VPS54: variants seen among roughly 807,000 people sequenced by gnomAD.
VPS54 encodes VPS54 subunit of GARP complex.
In VPS54, 45 loss-of-function variants were observed where a neutral mutation model predicts 121.5. The ratio of observed to expected loss-of-function variants is 0.37; its 90% confidence interval spans 0.29 to 0.47. The LOEUF (loss-of-function observed/expected upper bound fraction) is 0.47, where lower values mean the gene tolerates loss of function less well. Ranked by LOEUF, VPS54 falls within the 20% of genes least tolerant of loss-of-function variation. The pLI is 0.99. For missense variants in VPS54, 1,090 were observed against 1,131.4 expected (o/e 0.96, Z 0.52); for synonymous variants, 371 against 385.8 (o/e 0.96, Z 0.45).
intron 12 of VPS54, 58 bp from the exon 13 acceptor site, chr2:63,921,393 A>G (rs1451292697): frequency 9.1e-6 from 14 of 1,544,110 alleles, no homozygotes; most frequent in Admixed American, 1.9e-5. Context: ...TATTCTCCAC[A>G]GGTGACCTAT....
At chr2:63,945,357 A>G (rs1355590903) in intron 9 of VPS54, among the ~76,000 whole-genome samples, 2 of 152,220 alleles carry the variant, frequency 1.3e-5, no homozygotes, top group Non-Finnish European at 2.9e-5. Flanking sequence ...ACACAGACAC[A>G]TAGAGGGGAA....
intron 20 of VPS54, among the ~76,000 whole-genome samples, chr2:63,903,617 T>C (rs1486988293): frequency 1.3e-5 from 2 of 152,052 alleles, no homozygotes; most frequent in East Asian, 3.9e-4. Context: ...TGTATGACAA[T>C]AATAGCACAC....
chr2:63,917,528 T>C (rs564276606), intron 15 of VPS54, among the ~76,000 whole-genome samples: 5 of 152,150 alleles, frequency 3.3e-5, no homozygotes, highest in Non-Finnish European at 5.9e-5. Flanking sequence ...ATTCAGCATA[T>C]TGAGGTGAAA....
intron 4 of VPS54, among the ~76,000 whole-genome samples, chr2:63,970,738 C>G (rs551016835): frequency 3.9e-5 from 6 of 152,270 alleles, no homozygotes; most frequent in South Asian, 2.1e-4. Flanking sequence ...TCTCTGACCA[C>G]TTTTTGTCTC....
At chr2:63,990,565 CTCTGCTCCT>C (rs1254818780) in intron 1 of VPS54, among the ~76,000 whole-genome samples, 1 of 152,104 alleles carries the variant, frequency 6.6e-6, no homozygotes, top group Non-Finnish European at 1.5e-5. Context: ...ACCAGGATAC[CTCTGCTCCT>C]TCTGCTCCCT....
At chr2:63,928,251 G>A (rs1277433027) in intron 12 of VPS54, among the ~76,000 whole-genome samples, 2 of 152,126 alleles carry the variant, frequency 1.3e-5, no homozygotes, top group Admixed American at 1.3e-4. Context: ...AAATGTTAAG[G>A]GCAGCCAGAG....
chr2:63,954,706 T>A (rs917796780), intron 7 of VPS54, among the ~76,000 whole-genome samples: 1 of 152,042 alleles, frequency 6.6e-6, no homozygotes, highest in Non-Finnish European at 1.5e-5. Context: ...GTCTATTAGG[T>A]GCTCTTGTTA....
At chr2:64,017,204 G>A (rs1373582208) in intron 1 of VPS54, among the ~76,000 whole-genome samples, 1 of 151,676 alleles carries the variant, frequency 6.6e-6, no homozygotes, top group African/African-American at 2.4e-5. Flanking sequence ...AGCCAGGCGT[G>A]GGGGCGCCTG....
intron 1 of VPS54, among the ~76,000 whole-genome samples, chr2:63,986,918 T>C: frequency 6.6e-6 from 1 of 152,226 alleles, no homozygotes; most frequent in East Asian, 1.9e-4. Context: ...AATCAACATA[T>C]TGGATTTTTA....
At chr2:63,930,334 C>A (rs1380860444) in intron 12 of VPS54, among the ~76,000 whole-genome samples, 1 of 152,146 alleles carries the variant, frequency 6.6e-6, no homozygotes, top group African/African-American at 2.4e-5. Context: ...TCAGCTTCAT[C>A]CCTGGGATGC....
intron 1 of VPS54, among the ~76,000 whole-genome samples, chr2:63,986,313 C>G (rs1235249264): frequency 6.6e-6 from 1 of 152,124 alleles, no homozygotes; most frequent in Non-Finnish European, 1.5e-5. Flanking sequence ...TGGTAACCAT[C>G]ACTCGAGTTT....
chr2:63,964,927 A>G, intron 6 of VPS54, among the ~76,000 whole-genome samples: 1 of 152,222 alleles, frequency 6.6e-6, no homozygotes, highest in Non-Finnish European at 1.5e-5. Flanking sequence ...AAGACTCTTG[A>G]TAAGTAAATT....
At chr2:63,989,334 C>T (rs1677205212) in intron 1 of VPS54, among the ~76,000 whole-genome samples, 1 of 152,172 alleles carries the variant, frequency 6.6e-6, no homozygotes, top group Non-Finnish European at 1.5e-5. Flanking sequence ...TATTCGTATA[C>T]TCCCTCTTCT....
chr2:63,940,277 G>A (rs1454338820), intron 11 of VPS54, among the ~76,000 whole-genome samples: 3 of 151,818 alleles, frequency 2.0e-5, no homozygotes, highest in Non-Finnish European at 1.5e-5. Flanking sequence ...TTTCAGTGAA[G>A]TAATACTTGA....
intron 12 of VPS54, among the ~76,000 whole-genome samples, chr2:63,921,943 G>A (rs1262263764): frequency 6.6e-6 from 1 of 152,234 alleles, no homozygotes; most frequent in African/African-American, 2.4e-5. Flanking sequence ...GGACAGTTGT[G>A]CATAGGCACC....
chr2:63,941,277 T>C (rs1451229358), intron 11 of VPS54, among the ~76,000 whole-genome samples: 3 of 152,138 alleles, frequency 2.0e-5, no homozygotes, highest in African/African-American at 7.2e-5. Flanking sequence ...CAGGCTGGAG[T>C]ACAGTGGCAC....
intron 6 of VPS54, among the ~76,000 whole-genome samples, chr2:63,963,227 A>G (rs1242774935): frequency 6.6e-6 from 1 of 152,074 alleles, no homozygotes; most frequent in Non-Finnish European, 1.5e-5. Flanking sequence ...TTTCCTCTTA[A>G]AAGTTCGACA....
rs1213613605 is a variant in VPS54 at position 63,892,312 on chromosome 2, C to T, written c.*1118G>A. 2.0e-5 allele frequency: 3 copies of T among 152,104 alleles called. No individual in the cohort carries two copies. The highest frequency in any genetic ancestry group is 4.8e-5 in the African/African-American group (2 of 41,424). 9.4% of individuals were successfully genotyped at this position (152,104 alleles called of 1,614,324 possible). On this transcript the variant is annotated 3_prime_UTR_variant, in exon 23 of 23. Transcript: ENST00000272322. Reference sequence around the variant, plus strand: ...CACCACAGGATATTAGGCACTCTGACAGGGTTAGGCAAGATTCTTGGTGTG... The same window carrying T: ...CACCACAGGATATTAGGCACTCTGATAGGGTTAGGCAAGATTCTTGGTGTG...
At chr2:63,894,177 T>C (rs1672342706) in intron 22 of VPS54, among the ~76,000 whole-genome samples, 1 of 152,220 alleles carries the variant, frequency 6.6e-6, no homozygotes, top group Admixed American at 6.5e-5. Flanking sequence ...GTTGAAAAGA[T>C]GTGGGAAACA....
Sources: allele counts gnomAD v4.1 joint callset (sites outside exome capture counted in the v4.1 genomes callset), GRCh38; gene constraint gnomAD v4.1.1; transcripts MANE v1.5; gene names NCBI Gene and HGNC (gene_info 2026-07-23, HGNC 2026-07-21).